NF1: variants seen among roughly 807,000 people sequenced by gnomAD.
NF1 encodes neurofibromin 1, also known as neurofibromin.
Under a neutral mutation model 325.7 loss-of-function variants are expected in NF1, and 122 were observed. The ratio of observed to expected loss-of-function variants is 0.37; its 90% CI spans 0.32 to 0.44. NF1 has a LOEUF of 0.44. Among genes scored for constraint, NF1 ranks in the 20% least tolerant of loss-of-function variants. The probability of loss-of-function intolerance (pLI) is 1.00; values close to 1 mark genes in which losing one functional copy is unlikely to be tolerated. For synonymous variants in NF1, 1,091 were observed against 1,186.0 expected (o/e 0.92, Z 1.65); for missense variants, 2,140 against 3,415.4 (o/e 0.63, Z 9.31).
intron 51 of NF1, among the ~76,000 whole-genome samples, chr17:31,355,572 G>A (rs1048440591): frequency 4.6e-5 from 7 of 152,176 alleles, no homozygotes; most frequent in Non-Finnish European, 8.8e-5. Context: ...CTGTTGGCCG[G>A]GCATGGTGGC....
chr17:31,239,505 C>T (rs569855624), intron 29 of NF1, among the ~76,000 whole-genome samples: 1 of 147,484 alleles, frequency 6.8e-6, no homozygotes, highest in East Asian at 2.0e-4. Flanking sequence ...ATTATCTGAG[C>T]TCTCACCTTA....
At chr17:31,103,826 T>C (rs747111845) in intron 1 of NF1, among the ~76,000 whole-genome samples, 1 of 143,764 alleles carries the variant, frequency 7.0e-6, no homozygotes, top group East Asian at 2.0e-4. Context: ...AAAAAACAAA[T>C]AAAAAAAAAA....
At chr17:31,204,088 C>G (rs555846285) in intron 11 of NF1, among the ~76,000 whole-genome samples, 21 of 152,116 alleles carry the variant, frequency 1.4e-4, no homozygotes, top group African/African-American at 4.8e-4. Context: ...ATGTTATATG[C>G]ATAATCTTCA....
chr17:31,367,287 T>C (rs1313617640), intron 57 of NF1: 1 of 1,308,626 alleles, frequency 7.6e-7, no homozygotes, highest in Non-Finnish European at 1.0e-6. Flanking sequence ...AGGTACTCTT[T>C]ATTTTCATCA....
intron 36 of NF1, among the ~76,000 whole-genome samples, chr17:31,271,544 G>A (rs867319258): frequency 6.6e-6 from 1 of 152,136 alleles, no homozygotes. Flanking sequence ...CTGAAGTCAG[G>A]AGTTTGAGAC....
intron 36 of NF1, among the ~76,000 whole-genome samples, chr17:31,291,390 A>ATTTTTT (rs2068340863): frequency 6.6e-6 from 1 of 152,056 alleles, no homozygotes; most frequent in African/African-American, 2.4e-5. Context: ...ACTTCTTGAC[A>ATTTTTT]TTGTATATTT....
chr17:31,368,781 A>G (rs1403253638), intron 57 of NF1, among the ~76,000 whole-genome samples: 2 of 152,238 alleles, frequency 1.3e-5, no homozygotes, highest in African/African-American at 4.8e-5. Flanking sequence ...GAAATAGACA[A>G]GTCTGCTGTT....
intron 49 of NF1, 100 bp from the exon 50 acceptor site, chr17:31,350,083 C>A: frequency 8.2e-7 from 1 of 1,217,138 alleles, no homozygotes; most frequent in Non-Finnish European, 1.2e-6. Context: ...GCACATTTAA[C>A]AGGTACTATG....
intron 27 of NF1, among the ~76,000 whole-genome samples, chr17:31,233,683 GTC>G (rs2067153498): frequency 6.6e-6 from 1 of 152,122 alleles, no homozygotes; most frequent in African/African-American, 2.4e-5. Flanking sequence ...ATATGGCTAT[GTC>G]TCTCTCTTAA....
chr17:31,370,005 GT>G (rs547035430), intron 57 of NF1, among the ~76,000 whole-genome samples: 12 of 150,012 alleles, frequency 8.0e-5, no homozygotes, highest in Admixed American at 3.3e-4. Flanking sequence ...CATTTTAATT[GT>G]TTTTTTTTAA....
At chr17:31,121,395 C>CTTTTTTTTTTTT (rs71142019) in intron 1 of NF1, among the ~76,000 whole-genome samples, 12 of 92,510 alleles carry the variant, frequency 1.3e-4, no homozygotes, top group African/African-American at 4.9e-4. Flanking sequence ...AATCACTATT[C>CTTTTTTTTTTTT]TTTTTTTTTT....
intron 1 of NF1, among the ~76,000 whole-genome samples, chr17:31,115,226 A>C (rs1485354237): frequency 6.6e-6 from 1 of 152,178 alleles, no homozygotes; most frequent in African/African-American, 2.4e-5. Context: ...GGTAGAGTTC[A>C]GGGATGCTGT....
chr17:31,125,392 G>A (rs1213660748), intron 1 of NF1, among the ~76,000 whole-genome samples: 1 of 151,888 alleles, frequency 6.6e-6, no homozygotes, highest in East Asian at 1.9e-4. Context: ...TAAGAATGCT[G>A]CTTACGAACA....
intron 47 of NF1, among the ~76,000 whole-genome samples, chr17:31,340,867 A>G (rs1299184212): frequency 2.0e-5 from 3 of 151,578 alleles, no homozygotes; most frequent in African/African-American, 7.3e-5. Flanking sequence ...AAAACAAAAA[A>G]AAAACAGTAC....
At chr17:31,237,336 A>G (rs1020644716) in intron 29 of NF1, among the ~76,000 whole-genome samples, 3 of 152,098 alleles carry the variant, frequency 2.0e-5, no homozygotes, top group Admixed American at 2.0e-4. Flanking sequence ...GTGCGGTGGC[A>G]CCATCTCGGC....
chr17:31,139,649 C>T (rs1205696170), intron 1 of NF1, among the ~76,000 whole-genome samples: 1 of 152,084 alleles, frequency 6.6e-6, no homozygotes, highest in Non-Finnish European at 1.5e-5. Context: ...TATGTCTTTT[C>T]TTTGAACATT....
intron 36 of NF1, among the ~76,000 whole-genome samples, chr17:31,283,416 C>CA (rs2068161471): frequency 3.6e-5 from 5 of 137,358 alleles, no homozygotes; most frequent in Non-Finnish European, 4.8e-5. Context: ...GACTCCATCT[C>CA]AAAAAAACAA....
Position 31,255,075 on chromosome 17 carries a change from CTG to C in NF1, c.4173+2077_4173+2078del, listed in dbSNP as rs2067559492. 5.9e-5 allele frequency among the ~76,000 whole-genome samples: 9 copies of C among 152,200 alleles called. No homozygotes were observed. In the South Asian group the frequency reaches 1.9e-3, roughly 32 times the overall value. On this transcript the variant is annotated intron_variant, in intron 31 of 57. Coordinates refer to ENST00000358273, the MANE Select transcript of NF1 (RefSeq NM_001042492.3). ...AGCTGTGTAGTCACATTACAAATAACTGTTTATTATTCTCAAATATATAGTGT... is the reference window on the plus strand; with the variant it reads ...AGCTGTGTAGTCACATTACAAATAACTTTATTATTCTCAAATATATAGTGT...
chr17:31,222,183 G>T (rs879676918), intron 15 of NF1: 4 of 1,164,878 alleles, frequency 3.4e-6, no homozygotes, highest in Non-Finnish European at 1.1e-6. Flanking sequence ...CTGTTGTTTG[G>T]TATATTACTT....
Sources: gnomAD v4.1 joint callset for allele counts (sites outside exome capture counted in the v4.1 genomes callset) on GRCh38, gnomAD v4.1.1 for gene constraint, MANE v1.5 for transcripts, NCBI Gene and HGNC (gene_info 2026-07-23, HGNC 2026-07-21) for gene names.